Variants in WWC2 observed in about 807,000 individuals in gnomAD.
WWC2 encodes the protein WW and C2 domain containing 2.
A neutral mutation model predicts 138.5 loss-of-function variants in WWC2; 101 were observed. The ratio of observed to expected loss-of-function variants is 0.73; its 90% CI spans 0.62 to 0.86. The LOEUF (loss-of-function observed/expected upper bound fraction) is 0.86, where lower values mean the gene tolerates loss of function less well. Ranked by LOEUF, WWC2 falls within the 40% of genes least tolerant of loss-of-function variation. WWC2 has a pLI of 0.00. For synonymous variants in WWC2, 558 were observed against 538.4 expected, an observed-to-expected ratio of 1.04 and a Z score of -0.50; for missense variants, 1,420 against 1,419.4, an observed-to-expected ratio of 1.00 and a Z score of -0.01.
chr4:183,224,896 A>C (rs993660049), intron 4 of WWC2, among the ~76,000 whole-genome samples: 9 of 152,148 alleles, frequency 5.9e-5, no homozygotes, highest in African/African-American at 2.2e-4. Flanking sequence ...ATTTGTGCTC[A>C]CAGATTTAAA....
intron 4 of WWC2, 63 bp downstream of exon 4, chr4:183,209,088 A>G: frequency 3.4e-6 from 4 of 1,190,840 alleles, no homozygotes; most frequent in Non-Finnish European, 4.8e-6. Flanking sequence ...AGGCTGTGGA[A>G]GGGGCTTTAG....
chr4:183,318,918 G>T lies in WWC2; in HGVS notation c.*3189G>T, dbSNP rs1286544618. On this transcript the variant is annotated 3_prime_UTR_variant, in exon 23 of 23. Coordinates refer to ENST00000403733, the MANE Select transcript of WWC2 (RefSeq NM_024949.6). Reference sequence around the variant, plus strand: ...GCTGCCCGTGAAATACAGAACACAGGATGCAGAAGCACGTTTGTGTGGCAG... The same window carrying T: ...GCTGCCCGTGAAATACAGAACACAGTATGCAGAAGCACGTTTGTGTGGCAG... 1 of 152,324 alleles carries T rather than the reference G, an allele frequency of 6.6e-6. No homozygotes were observed. Among genetic ancestry groups the T allele is most frequent in the African/African-American group, 2.4e-5 (1 of 41,420 alleles). 9.4% of individuals were successfully genotyped at this position (152,324 alleles called of 1,614,324 possible). A position where few individuals can be genotyped will look rare whatever the true frequency, so the allele number is the denominator to read the frequency against.
chr4:183,137,981 G>C (rs1287719526), intron 1 of WWC2, among the ~76,000 whole-genome samples: 2 of 152,134 alleles, frequency 1.3e-5, no homozygotes, highest in Non-Finnish European at 2.9e-5. Flanking sequence ...AACTTTGTAT[G>C]TATTGATCCT....
At chr4:183,223,790 C>T (rs1057043964) in intron 4 of WWC2, among the ~76,000 whole-genome samples, 7 of 152,074 alleles carry the variant, frequency 4.6e-5, no homozygotes, top group African/African-American at 1.2e-4. Flanking sequence ...AAGGGCAGTG[C>T]GGCAATCTCG....
At chr4:183,219,143 A>G (rs989918634) in intron 4 of WWC2, among the ~76,000 whole-genome samples, 3 of 152,186 alleles carry the variant, frequency 2.0e-5, no homozygotes, top group African/African-American at 7.2e-5. Context: ...AAGCAATTTC[A>G]TAGACACAGA....
At chr4:183,238,314 G>A (rs1403637723) in intron 4 of WWC2, among the ~76,000 whole-genome samples, 1 of 152,092 alleles carries the variant, frequency 6.6e-6, no homozygotes, top group African/African-American at 2.4e-5. Flanking sequence ...TTCTGCCTCT[G>A]AAGTATCTTC....
intron 1 of WWC2, among the ~76,000 whole-genome samples, chr4:183,183,767 A>T (rs1011235950): frequency 6.6e-6 from 1 of 152,014 alleles, no homozygotes; most frequent in African/African-American, 2.4e-5. Flanking sequence ...TGGATGTCAG[A>T]GTGAGACCCT....
intron 4 of WWC2, among the ~76,000 whole-genome samples, chr4:183,221,161 T>G (rs1235538686): frequency 1.3e-5 from 2 of 152,226 alleles, no homozygotes; most frequent in Non-Finnish European, 2.9e-5. Context: ...AGTTGTCATA[T>G]TAATATCAGA....
At chr4:183,175,768 G>A (rs1043216159) in intron 1 of WWC2, among the ~76,000 whole-genome samples, 19 of 152,198 alleles carry the variant, frequency 1.2e-4, no homozygotes, top group African/African-American at 4.6e-4. Flanking sequence ...CTGATAAGGA[G>A]ATGTTCGTGA....
intron 11 of WWC2, among the ~76,000 whole-genome samples, chr4:183,264,643 T>C (rs1009166641): frequency 2.6e-5 from 4 of 152,206 alleles, no homozygotes; most frequent in Non-Finnish European, 5.9e-5. Flanking sequence ...GATCATTTCC[T>C]ATTCCTGAAT....
At chr4:183,219,517 T>A (rs1416978571) in intron 4 of WWC2, among the ~76,000 whole-genome samples, 1 of 152,188 alleles carries the variant, frequency 6.6e-6, no homozygotes, top group East Asian at 1.9e-4. Context: ...CAAGACTTTT[T>A]AAATAATTTG....
chr4:183,191,703 A>G (rs1211142274), intron 1 of WWC2, among the ~76,000 whole-genome samples: 3 of 145,540 alleles, frequency 2.1e-5, no homozygotes, highest in Non-Finnish European at 4.5e-5. Context: ...AAGAATTTGT[A>G]TTATTTCTAT....
At position 183,312,299 on chromosome 4, in the gene WWC2, C is replaced by G. The variant is rs921704353; in HGVS notation, c.3385-42C>G. 3 of 1,603,424 alleles carry G rather than the reference C, an allele frequency of 1.9e-6. No individual in the cohort carries two copies. In the African/African-American group the frequency reaches 4.0e-5, roughly 21 times the overall value. Reference sequence around the variant, plus strand: ...TAGGATGTCTCCAGGGATTTCTAATCAGTGTTTTGTGTGTTTCTTACATTT... The same window carrying G: ...TAGGATGTCTCCAGGGATTTCTAATGAGTGTTTTGTGTGTTTCTTACATTT... On this transcript the variant is annotated intron_variant, in intron 21 of 22. Coordinates refer to ENST00000403733, the MANE Select transcript of WWC2 (RefSeq NM_024949.6).
intron 1 of WWC2, among the ~76,000 whole-genome samples, chr4:183,112,557 ATCAAACTATTCG>A: frequency 6.6e-6 from 1 of 152,338 alleles, no homozygotes; most frequent in African/African-American, 2.4e-5. Context: ...CATTCATTCA[ATCAAACTATTCG>A]TCACACATTT....
chr4:183,275,612 T>C (rs1307349921), intron 16 of WWC2, among the ~76,000 whole-genome samples: 1 of 152,170 alleles, frequency 6.6e-6, no homozygotes, highest in East Asian at 1.9e-4. Context: ...ATTAATTGAT[T>C]TTCAAGTATT....
chr4:183,311,547 AG>A (rs1739241699), intron 21 of WWC2, among the ~76,000 whole-genome samples: 1 of 150,682 alleles, frequency 6.6e-6, no homozygotes, highest in Non-Finnish European at 1.5e-5. Context: ...AATTTGTAAA[AG>A]TTTTTTGAGC....
At chr4:183,235,796 G>A (rs1736405705) in intron 4 of WWC2, among the ~76,000 whole-genome samples, 1 of 152,016 alleles carries the variant, frequency 6.6e-6, no homozygotes, top group Non-Finnish European at 1.5e-5. Context: ...AGTGAACATG[G>A]GAGCACTAAT....
chr4:183,282,984 C>G (rs1738130544), intron 18 of WWC2, 78 bp downstream of exon 18: 1 of 1,386,198 alleles, frequency 7.2e-7, no homozygotes, highest in African/African-American at 1.5e-5. Flanking sequence ...TGTTTGTCTC[C>G]TTAGGTGTAA....
intron 1 of WWC2, among the ~76,000 whole-genome samples, chr4:183,122,758 A>C (rs1479640338): frequency 1.3e-5 from 2 of 152,128 alleles, no homozygotes; most frequent in African/African-American, 4.8e-5. Flanking sequence ...GCCTCAAGTG[A>C]TCCACCCAAC....
Sources: allele counts gnomAD v4.1 joint callset (sites outside exome capture counted in the v4.1 genomes callset), GRCh38; gene constraint gnomAD v4.1.1; transcripts MANE v1.5; gene names NCBI Gene and HGNC (gene_info 2026-07-23, HGNC 2026-07-21).